RPS6KA2: variants seen among roughly 807,000 people sequenced by gnomAD.
RPS6KA2 encodes the protein ribosomal protein S6 kinase A2, also known as ribosomal protein S6 kinase alpha-2.
RPS6KA2 carries 42 observed loss-of-function variants against 91.8 expected under a neutral mutation model. That is an observed-to-expected ratio of 0.46 (90% CI 0.36 to 0.59). The LOEUF (loss-of-function observed/expected upper bound fraction) is 0.59. Among genes scored for constraint, RPS6KA2 ranks in the 20% least tolerant of loss-of-function variants. The pLI, the probability that RPS6KA2 is intolerant of heterozygous loss-of-function variation, is 0.00. For synonymous variants in RPS6KA2, 414 were observed against 393.6 expected (o/e 1.05, Z -0.61); for missense variants, 798 against 978.5 (o/e 0.82, Z 2.46).
chr6:166,715,948 G>GA (rs778763792), intron 2 of RPS6KA2, among the ~76,000 whole-genome samples: 12 of 140,394 alleles, frequency 8.5e-5, no homozygotes, highest in Admixed American at 1.5e-4. Flanking sequence ...TGAGGCAAAA[G>GA]AATCGCTTGA....
upstream of RPS6KA2, among the ~76,000 whole-genome samples, chr6:166,630,462 G>T (rs989318621): frequency 6.6e-6 from 1 of 152,234 alleles, no homozygotes; most frequent in Non-Finnish European, 1.5e-5. Flanking sequence ...GAAACATTCG[G>T]TCTTCATTAG....
At chr6:166,616,781 G>A (rs1005124962) in intron 1 of RPS6KA2, among the ~76,000 whole-genome samples, 13 of 152,278 alleles carry the variant, frequency 8.5e-5, no homozygotes, top group African/African-American at 3.1e-4. Flanking sequence ...CTAGAGACCT[G>A]GGCTCACACA....
At chr6:166,543,700 G>A (rs1479660318) in intron 1 of RPS6KA2, among the ~76,000 whole-genome samples, 1 of 152,122 alleles carries the variant, frequency 6.6e-6, no homozygotes, top group Non-Finnish European at 1.5e-5. Flanking sequence ...TCCTGTCTCC[G>A]GGCTTTATAA....
chr6:166,653,396 C>T (rs923111917), intron 2 of RPS6KA2, among the ~76,000 whole-genome samples: 5 of 152,196 alleles, frequency 3.3e-5, no homozygotes, highest in Admixed American at 2.0e-4. Context: ...TAATTCCCAT[C>T]GACTTAACTC....
rs1199466617 is a variant in RPS6KA2, at chr6:166,852,131, AT to A, written c.123+6068del. On this transcript the variant is annotated intron_variant, in intron 2 of 21. Transcript: ENST00000503859. The surrounding 1 kb of genome is among the most constrained non-coding windows in gnomAD (Gnocchi z 4.1). ...GATGCTTACCCTACCCTTTTCTAGC[AT>A]TTCTGCAAGGACTAAAGTGATTCTT... 1.3e-5 allele frequency among the ~76,000 whole-genome samples: 2 copies of A among 152,314 alleles called. No homozygotes were observed. The highest frequency in any genetic ancestry group is 2.4e-5 in the African/African-American group (1 of 41,578).
intron 1 of RPS6KA2, among the ~76,000 whole-genome samples, chr6:166,624,848 T>C (rs1786789102): frequency 1.3e-5 from 2 of 152,146 alleles, no homozygotes. Context: ...TGACCTTTTT[T>C]TTTTTGAGAC....
rs748598396 is a variant in RPS6KA2, at chr6:166,430,616, G to A, written c.1423-5C>T. 1.4e-5 allele frequency: 22 copies of A among 1,609,738 alleles called. No individual in the cohort carries two copies. Among genetic ancestry groups the A allele is most frequent in the Middle Eastern group, 1.6e-4 (1 of 6,066 alleles). ...AAACTTGCCATCATCATAGACCTGC[G>A]GAGTGGAGAAGGGGCGCACACGTCA... On this transcript the variant is annotated splice_region_variant and splice_polypyrimidine_tract_variant and intron_variant, in intron 15 of 20. Transcript: ENST00000265678.
intron 2 of RPS6KA2, among the ~76,000 whole-genome samples, chr6:166,735,683 G>A (rs1448357092): frequency 6.6e-6 from 1 of 152,096 alleles, no homozygotes. Context: ...TAGGGTTCAA[G>A]TTCCTATGAG....
intron 2 of RPS6KA2, among the ~76,000 whole-genome samples, chr6:166,719,116 G>A (rs953578081): frequency 6.6e-6 from 1 of 152,206 alleles, no homozygotes; most frequent in Non-Finnish European, 1.5e-5. Context: ...AGGGGAAACT[G>A]CCACAGACAA....
At chr6:166,499,134 A>T (rs548034238) in intron 7 of RPS6KA2, among the ~76,000 whole-genome samples, 61 of 152,276 alleles carry the variant, frequency 4.0e-4, no homozygotes, top group African/African-American at 1.4e-3. Flanking sequence ...GAGAGCACAG[A>T]CAGGCGGAGG....
At chr6:166,836,084 T>C (rs6925937) in intron 2 of RPS6KA2, among the ~76,000 whole-genome samples, 96,896 of 151,862 alleles carry the variant, frequency 0.64, 31,400 homozygotes, top group Middle Eastern at 0.74. Context: ...TACTTTTTTA[T>C]GATGCATTAT....
Position 166,427,343 on chromosome 6 carries a change from T to C in RPS6KA2, c.1581+3110A>G, listed in dbSNP as rs946358206. Among the ~76,000 whole-genome samples, 1,164 of 152,290 alleles carry C rather than the reference T, an allele frequency of 7.6e-3. 12 individuals carry two copies. Among genetic ancestry groups the C allele is most frequent in the African/African-American group, 0.027 (1,123 of 41,532 alleles). ...ATCGATGACAAACCCACAGCCAATA[T>C]CATACTGAATGAGCAAAAACTGGAA... On this transcript the variant is annotated intron_variant, in intron 16 of 20. Coordinates refer to ENST00000265678, the MANE Select transcript of RPS6KA2 (RefSeq NM_021135.6).
intron 2 of RPS6KA2, among the ~76,000 whole-genome samples, chr6:166,723,235 C>G (rs1790230188): frequency 6.6e-6 from 1 of 152,244 alleles, no homozygotes; most frequent in African/African-American, 2.4e-5. Flanking sequence ...CAGCCTCTTG[C>G]TCAAGTCCCC....
chr6:166,693,255 T>A (rs762630344), intron 2 of RPS6KA2, among the ~76,000 whole-genome samples: 3 of 152,208 alleles, frequency 2.0e-5, no homozygotes, highest in Non-Finnish European at 4.4e-5. Context: ...TCACTGCCTG[T>A]GAAATCCAGA....
intron 16 of RPS6KA2, among the ~76,000 whole-genome samples, chr6:166,425,576 C>A (rs890227456): frequency 6.6e-6 from 1 of 151,966 alleles, no homozygotes; most frequent in East Asian, 1.9e-4. Flanking sequence ...CAGAGACACA[C>A]ATAGGCTCAA....
intron 2 of RPS6KA2, among the ~76,000 whole-genome samples, chr6:166,634,957 A>G (rs1235188939): frequency 6.6e-6 from 1 of 152,220 alleles, no homozygotes; most frequent in East Asian, 1.9e-4. Flanking sequence ...AATACCTCAC[A>G]TCCTTAAAAA....
chr6:166,467,207 T>TTCAC (rs1780573357), intron 11 of RPS6KA2, among the ~76,000 whole-genome samples: 1 of 117,064 alleles, frequency 8.5e-6, no homozygotes, highest in African/African-American at 2.8e-5. Flanking sequence ...CACTCATTCA[T>TTCAC]TCACTCCCTC....
intron 2 of RPS6KA2, among the ~76,000 whole-genome samples, chr6:166,537,166 C>T (rs1366293981): frequency 1.3e-5 from 2 of 152,252 alleles, no homozygotes; most frequent in Admixed American, 6.5e-5. Flanking sequence ...CAGATAAAGA[C>T]GATTCGGCTG....
intron 2 of RPS6KA2, among the ~76,000 whole-genome samples, chr6:166,787,680 G>A (rs946617249): frequency 6.6e-6 from 1 of 152,082 alleles, no homozygotes; most frequent in Non-Finnish European, 1.5e-5. Context: ...AACTCAAGAT[G>A]GAGTAAAGAC....
Sources: allele counts gnomAD v4.1 joint callset (sites outside exome capture counted in the v4.1 genomes callset), GRCh38; gene constraint gnomAD v4.1.1; non-coding constraint Gnocchi (gnomAD v3.1); transcripts MANE v1.5; gene names NCBI Gene and HGNC (gene_info 2026-07-23, HGNC 2026-07-21).